Variants in SLCO5A1 observed in about 807,000 individuals in gnomAD.
SLCO5A1 encodes organic anion transporter polypeptide-related protein 4.
Under a neutral mutation model 65.1 loss-of-function variants are expected in SLCO5A1, and 39 were observed. The observed-to-expected ratio is 0.60, with a 90% confidence interval of 0.46 to 0.78. SLCO5A1 has a LOEUF of 0.78. SLCO5A1 is among the 30% of genes least tolerant of loss of function. The pLI is 0.00. For synonymous variants in SLCO5A1, 438 were observed against 415.7 expected (o/e 1.05, Z -0.65); for missense variants, 1,029 against 1,069.4 (o/e 0.96, Z 0.53).
At chr8:69,781,653 T>C (rs13268038) in intron 2 of SLCO5A1, among the ~76,000 whole-genome samples, 1 of 152,024 alleles carries the variant, frequency 6.6e-6, no homozygotes, top group Non-Finnish European at 1.5e-5. Context: ...TTGTTTTTTG[T>C]TTTTTGTTTT....
intron 2 of SLCO5A1, chr8:69,794,436 A>G: frequency 4.5e-6 from 2 of 446,922 alleles, no homozygotes; most frequent in Non-Finnish European, 8.8e-6. Context: ...GACTTCAGAA[A>G]CTTTATAAGT....
rs201671667 is a variant in SLCO5A1, at chr8:69,767,911, A to C, written c.908-6036T>G. ...TCTCAAAAAAAAAAAAAAAAAAAAA[A>C]CAAAAAGAAAAAGAAAAAGAATAAG... is the stretch of plus-strand genomic sequence containing the variant. On this transcript the variant is annotated intron_variant, in intron 2 of 9. Transcript: ENST00000260126. Among the ~76,000 whole-genome samples, 12 of 127,712 alleles carry C rather than the reference A, an allele frequency of 9.4e-5. No individual in the cohort carries two copies. In the East Asian group the frequency reaches 2.5e-3, roughly 26 times the overall value. The allele number at this position is 127,712 out of a possible 152,430, so 83.8% of individuals were successfully genotyped here. A position where few individuals can be genotyped will look rare whatever the true frequency, so the allele number is the denominator to read the frequency against.
chr8:69,726,691 G>A (rs1816095823), intron 5 of SLCO5A1, among the ~76,000 whole-genome samples: 1 of 151,910 alleles, frequency 6.6e-6, no homozygotes. Context: ...GTAGAGAATG[G>A]GGTTTTGTCA....
At chr8:69,801,808 T>C (rs1157747373) in intron 2 of SLCO5A1, among the ~76,000 whole-genome samples, 1 of 152,162 alleles carries the variant, frequency 6.6e-6, no homozygotes, top group Non-Finnish European at 1.5e-5. Context: ...AACAGTGCAA[T>C]CTCTCATTTT....
At chr8:69,760,885 A>G (rs1760790175) in intron 3 of SLCO5A1, among the ~76,000 whole-genome samples, 1 of 152,248 alleles carries the variant, frequency 6.6e-6, no homozygotes, top group Admixed American at 6.5e-5. Context: ...GAAAGCAGCT[A>G]AATCTCTAGC....
intron 2 of SLCO5A1, among the ~76,000 whole-genome samples, chr8:69,784,908 AAG>A (rs1491342361): frequency 1.3e-4 from 11 of 82,604 alleles, no homozygotes; most frequent in African/African-American, 7.4e-4. Flanking sequence ...GAAAGAAAGA[AAG>A]AAAGAAAGAA....
At chr8:69,796,247 GGT>G (rs1819495048) in intron 2 of SLCO5A1, among the ~76,000 whole-genome samples, 1 of 150,762 alleles carries the variant, frequency 6.6e-6, no homozygotes, top group African/African-American at 2.4e-5. Context: ...AATGAGAGTT[GGT>G]TTTTTTTTTT....
chr8:69,727,651 A>G (rs982477693), intron 5 of SLCO5A1, among the ~76,000 whole-genome samples: 2 of 152,218 alleles, frequency 1.3e-5, no homozygotes, highest in African/African-American at 4.8e-5. Flanking sequence ...AATAAAGTTC[A>G]CCGGTTTTCA....
Position 69,832,741 on chromosome 8 carries a change from C to T in SLCO5A1, c.-68G>A, listed in dbSNP as rs921197966. ...CTCCGGCACGTTTCATCCACCGGCA[C>T]GAGGGGCCGAAGCCGGGCCCAGTCA... On this transcript the variant is annotated 5_prime_UTR_variant, in exon 2 of 10. In the 5' UTR this introduces an upstream ATG that the reference lacks. Transcript: ENST00000260126. This position sits in a 1 kb window ranked among gnomAD's most constrained non-coding sequence, Gnocchi z 4.5. 7 of 1,507,888 alleles carry T rather than the reference C, an allele frequency of 4.6e-6. No homozygotes were observed. Among genetic ancestry groups the T allele is most frequent in the Non-Finnish European group, 4.4e-6 (5 of 1,133,124 alleles). The allele number at this position is 1,507,888 out of a possible 1,614,324, so 93.4% of individuals were successfully genotyped here.
chr8:69,750,317 C>G (rs892824110), intron 4 of SLCO5A1, among the ~76,000 whole-genome samples: 1 of 152,110 alleles, frequency 6.6e-6, no homozygotes, highest in Non-Finnish European at 1.5e-5. Context: ...GTCGAAACCT[C>G]TCCACTGGGC....
intron 2 of SLCO5A1, among the ~76,000 whole-genome samples, chr8:69,793,887 C>T (rs913255028): frequency 2.0e-5 from 3 of 151,942 alleles, no homozygotes. Flanking sequence ...TTATTGACTG[C>T]CTATTACATT....
chr8:69,672,799 A>C lies in SLCO5A1; in HGVS notation c.*70T>G. On this transcript the variant is annotated 3_prime_UTR_variant, in exon 10 of 10. Transcript: ENST00000260126. ...TTAAAAAAAAGAAAGAAAGAAAAGA[A>C]GGCACAGTTGTTTCTCAAGTCGCCA... The C allele has an allele frequency of 1.3e-6, 2 of 1,481,678 alleles. No individual in the cohort carries two copies. The highest frequency in any genetic ancestry group is 1.8e-6 in the Non-Finnish European group (2 of 1,102,776). 91.8% of individuals were successfully genotyped at this position (1,481,678 alleles called of 1,614,324 possible).
intron 2 of SLCO5A1, among the ~76,000 whole-genome samples, chr8:69,823,084 T>A (rs1034225589): frequency 1.3e-5 from 2 of 152,198 alleles, no homozygotes; most frequent in Non-Finnish European, 2.9e-5. Flanking sequence ...TAGTTCGGCA[T>A]TCTTACTCTT....
At chr8:69,750,820 T>C (rs1383073686) in intron 4 of SLCO5A1, among the ~76,000 whole-genome samples, 1 of 152,170 alleles carries the variant, frequency 6.6e-6, no homozygotes, top group African/African-American at 2.4e-5. Flanking sequence ...TTGTCCTGGC[T>C]CCCTCAGTGG....
At position 69,676,758 on chromosome 8, in the gene SLCO5A1, C is replaced by G. The variant is rs930296169; in HGVS notation, c.2025-85G>C. The G allele has an allele frequency of 3.4e-6, 4 of 1,164,756 alleles. No individual in the cohort carries two copies. The African/African-American group carries it at 6.2e-5, about 18-fold the overall frequency. The allele number at this position is 1,164,756 out of a possible 1,614,324, so 72.2% of individuals were successfully genotyped here. On this transcript the variant is annotated intron_variant, in intron 8 of 9. Transcript: ENST00000260126. The stretch of plus-strand genomic sequence containing the variant: ...CAAATCAAGTCGGCTTTGTGCAGAG[C>G]CAGGGACTAAAGATGCCATGCCAAA...
intron 6 of SLCO5A1, among the ~76,000 whole-genome samples, chr8:69,688,784 C>G (rs566842219): frequency 0.05 from 7,537 of 151,940 alleles, 509 homozygotes; most frequent in African/African-American, 0.16. Flanking sequence ...TGTGAATAGT[C>G]CCGCAATAAA....
At chr8:69,755,801 TTC>T (rs1334435021) in intron 3 of SLCO5A1, among the ~76,000 whole-genome samples, 160 bp from the exon 4 acceptor site, 26 of 152,342 alleles carry the variant, frequency 1.7e-4, no homozygotes, top group African/African-American at 6.0e-4. Flanking sequence ...AATGAAGGAA[TTC>T]TCTCTTTCTG....
At chr8:69,749,526 G>A (rs1268776533) in intron 4 of SLCO5A1, among the ~76,000 whole-genome samples, 1 of 152,050 alleles carries the variant, frequency 6.6e-6, no homozygotes, top group African/African-American at 2.4e-5. Flanking sequence ...GCTGAGGCAG[G>A]AGAATCACTT....
intron 2 of SLCO5A1, among the ~76,000 whole-genome samples, chr8:69,788,354 G>C (rs980818671): frequency 2.0e-5 from 3 of 152,142 alleles, no homozygotes; most frequent in Non-Finnish European, 2.9e-5. Context: ...GTAATCTGCT[G>C]AGTCTAGGAC....
Sources: allele counts gnomAD v4.1 joint callset (sites outside exome capture counted in the v4.1 genomes callset), GRCh38; gene constraint gnomAD v4.1.1; non-coding constraint Gnocchi (gnomAD v3.1); transcripts MANE v1.5; gene names NCBI Gene and HGNC (gene_info 2026-07-23, HGNC 2026-07-21).